The following SESN1 variants were observed in gnomAD, a reference collection of about 807,000 sequenced individuals.
SESN1 encodes the protein sestrin 1, also known as sestrin-1.
SESN1 carries 30 observed loss-of-function variants against 59.3 expected under a neutral mutation model. That is an observed-to-expected ratio of 0.51 (90% CI 0.38 to 0.69). The LOEUF is 0.69. Among genes scored for constraint, SESN1 ranks in the 30% least tolerant of loss-of-function variants. SESN1 has a pLI of 0.00. For missense variants in SESN1, 566 were observed against 673.0 expected (o/e 0.84, Z 1.76); for synonymous variants, 197 against 219.9 (o/e 0.90, Z 0.92).
chr6:109,016,966 ATT>A (rs1779936962), intron 1 of SESN1, among the ~76,000 whole-genome samples: 1 of 152,068 alleles, frequency 6.6e-6, no homozygotes, highest in African/African-American at 2.4e-5. Flanking sequence ...TATGAGTCTA[ATT>A]TTTAAAATAT....
intron 7 of SESN1, among the ~76,000 whole-genome samples, chr6:108,991,151 C>A (rs578222250): frequency 1.7e-3 from 252 of 152,284 alleles, no homozygotes; most frequent in African/African-American, 6.0e-3. Flanking sequence ...CTCCACTCAG[C>A]CCCCCAGATG....
chr6:109,012,658 G>C (rs1393543632), intron 1 of SESN1, among the ~76,000 whole-genome samples: 1 of 152,126 alleles, frequency 6.6e-6, no homozygotes, highest in Admixed American at 6.5e-5. Flanking sequence ...AAGAAAATTT[G>C]GGGGAGAGTT....
chr6:109,059,382 GAACT>G (rs1269375962), intron 1 of SESN1: 1 of 152,076 alleles, frequency 6.6e-6, no homozygotes, highest in Non-Finnish European at 1.5e-5. Flanking sequence ...CATATTTTCA[GAACT>G]AACATGACAT....
chr6:108,987,647 A>G lies in SESN1; in HGVS notation c.1570-17T>C, dbSNP rs150599884. On this transcript the variant is annotated splice_polypyrimidine_tract_variant and intron_variant, in intron 9 of 9. Transcript: ENST00000436639. ...AACATGAACCTGAATATAAAATACA[A>G]CATCATATAAGGAAGGGTTACAAGC... 1,248 of 1,362,016 alleles carry G rather than the reference A, an allele frequency of 9.2e-4. 1 individual carries two copies. The highest frequency in any genetic ancestry group is 1.3e-3 in the Non-Finnish European group (1,207 of 954,924). The allele number at this position is 1,362,016 out of a possible 1,614,324, so 84.4% of individuals were successfully genotyped here.
intron 5 of SESN1, among the ~76,000 whole-genome samples, chr6:108,995,718 A>C (rs1231271247): frequency 1.3e-5 from 2 of 152,208 alleles, no homozygotes; most frequent in African/African-American, 4.8e-5. Flanking sequence ...GAGGAGTTCA[A>C]GGCTGCAGTG....
At chr6:109,086,141 T>C (rs1233981988) in intron 1 of SESN1, among the ~76,000 whole-genome samples, 1 of 152,076 alleles carries the variant, frequency 6.6e-6, no homozygotes, top group African/African-American at 2.4e-5. Context: ...GGCAGATCAC[T>C]TAAGGTCAGG....
At chr6:109,044,311 C>CAAAAAAAAAAAAAA (rs71015570) in intron 1 of SESN1, among the ~76,000 whole-genome samples, 2 of 28,472 alleles carry the variant, frequency 7.0e-5, no homozygotes, top group African/African-American at 2.0e-4. Flanking sequence ...GAACTTGCCT[C>CAAAAAAAAAAAAAA]AAAAAAAAAA....
intron 4 of SESN1, chr6:109,000,218 G>T: frequency 4.0e-6 from 1 of 250,512 alleles, no homozygotes; most frequent in Non-Finnish European, 7.5e-6. Flanking sequence ...ATATTGTAAT[G>T]GATGCGTGAC....
chr6:109,057,303 A>C (rs894148382), intron 1 of SESN1, among the ~76,000 whole-genome samples: 10 of 152,352 alleles, frequency 6.6e-5, no homozygotes, highest in Middle Eastern at 3.4e-3. Flanking sequence ...CCAGAAATAT[A>C]GTGATTGATA....
chr6:109,037,197 A>T (rs1780262917), intron 1 of SESN1, among the ~76,000 whole-genome samples: 1 of 152,244 alleles, frequency 6.6e-6, no homozygotes, highest in Non-Finnish European at 1.5e-5. Context: ...TCTGTGATGC[A>T]ACAATATTGC....
chr6:109,090,338 C>T (rs1781290940), intron 1 of SESN1, among the ~76,000 whole-genome samples: 2 of 152,158 alleles, frequency 1.3e-5, no homozygotes, highest in Non-Finnish European at 2.9e-5. Context: ...TAAGATTACA[C>T]ACTTGACCCT....
rs547839525 is a variant in SESN1, at chr6:108,999,543, T to C, written c.730-788A>G. Among the ~76,000 whole-genome samples the C allele has an allele frequency of 3.3e-5, 5 of 152,264 alleles. No individual in the cohort carries two copies. In the South Asian group the frequency reaches 8.3e-4, roughly 25 times the overall value. ...GAACCAGAACTAGCTTAACATGGCA[T>C]TTAAAACGTAACATAAAGATGCATA... On this transcript the variant is annotated intron_variant, in intron 4 of 9. Transcript: ENST00000436639.
At chr6:109,092,647 A>G (rs1250315763) in intron 1 of SESN1, among the ~76,000 whole-genome samples, 1 of 152,250 alleles carries the variant, frequency 6.6e-6, no homozygotes, top group Non-Finnish European at 1.5e-5. Context: ...GTTGATATGC[A>G]TAATGATGAC....
chr6:109,024,686 G>A (rs1780062792), intron 1 of SESN1, among the ~76,000 whole-genome samples: 1 of 152,160 alleles, frequency 6.6e-6, no homozygotes, highest in East Asian at 1.9e-4. Context: ...TCAGAATGCT[G>A]ACATTAGCCT....
At chr6:109,011,738 C>T (rs1229401456) in intron 1 of SESN1, among the ~76,000 whole-genome samples, 3 of 151,652 alleles carry the variant, frequency 2.0e-5, no homozygotes, top group Non-Finnish European at 4.4e-5. Flanking sequence ...AAGTGATCCT[C>T]CCACCTCAGC....
rs764014847 is a variant in SESN1, at chr6:109,000,644, T to C, written c.576A>G (p.Leu192=). The change falls in exon 4 of 10, where the codon TTA becomes TTG. Residue 192 remains leucine, a synonymous_variant. Transcript: ENST00000436639. ...MAAARHQCSY[L]VNLHVNDFLH... ...GGAAATCATTTACATGCAGGTTCACTAAGTAGGAGCACTGATGTCTTGCCG... is the reference window on the plus strand; with the variant it reads ...GGAAATCATTTACATGCAGGTTCACCAAGTAGGAGCACTGATGTCTTGCCG... 6.2e-7 allele frequency: 1 copy of C among 1,608,692 alleles called. No individual in the cohort carries two copies. The highest frequency in any genetic ancestry group is 1.3e-5 in the African/African-American group (1 of 74,810).
chr6:108,991,503 A>G (rs1198444305), intron 7 of SESN1, among the ~76,000 whole-genome samples: 2 of 152,110 alleles, frequency 1.3e-5, no homozygotes, highest in South Asian at 2.1e-4. Flanking sequence ...TGGTCTCTCA[A>G]AGTGCTGGGA....
chr6:108,996,002 CT>C (rs1024025099), intron 5 of SESN1, among the ~76,000 whole-genome samples: 1 of 152,184 alleles, frequency 6.6e-6, no homozygotes, highest in Non-Finnish European at 1.5e-5. Context: ...ACCCTCTCCT[CT>C]TTCCTTCAGA....
At chr6:108,989,495 C>A (rs1562451612) in intron 8 of SESN1, among the ~76,000 whole-genome samples, 1 of 137,676 alleles carries the variant, frequency 7.3e-6, no homozygotes, top group Non-Finnish European at 1.6e-5. Flanking sequence ...ATCTCTAGAT[C>A]TAGAGATATC....
Sources: allele counts gnomAD v4.1 joint callset (sites outside exome capture counted in the v4.1 genomes callset), GRCh38; gene constraint gnomAD v4.1.1; transcripts MANE v1.5; gene names NCBI Gene and HGNC (gene_info 2026-07-23, HGNC 2026-07-21).